Variants in WDR47 observed in about 807,000 individuals in gnomAD.
WDR47 encodes WD repeat domain 47.
Under a neutral mutation model 97.2 loss-of-function variants are expected in WDR47, and 32 were observed. The ratio of observed to expected loss-of-function variants is 0.33; its 90% CI spans 0.25 to 0.44. The LOEUF (loss-of-function observed/expected upper bound fraction) is 0.44. Ranked by LOEUF, WDR47 falls within the 20% of genes least tolerant of loss-of-function variation. The pLI, the probability that WDR47 is intolerant of heterozygous loss-of-function variation, is 1.00. For synonymous variants in WDR47, 375 were observed against 373.5 expected (o/e 1.00, Z -0.05); for missense variants, 782 against 1,102.3 (o/e 0.71, Z 4.11).
intron 6 of WDR47, among the ~76,000 whole-genome samples, chr1:109,004,264 CAA>C (rs748279464): frequency 2.7e-5 from 3 of 111,044 alleles, no homozygotes; most frequent in Admixed American, 1.9e-4. Flanking sequence ...GACTCCGTCT[CAA>C]AAAAAAAAAA....
At chr1:109,030,235 T>G in intron 1 of WDR47, 2 of 1,557,218 alleles carry the variant, frequency 1.3e-6, no homozygotes, top group Middle Eastern at 2.3e-4. Flanking sequence ...TTTTGTGTGT[T>G]GGCTGCTCCA....
rs1322444411 is a variant in WDR47, at chr1:108,992,155, G to A, written c.1692-826C>T. Reference sequence around the variant, plus strand: ...ATAAGAGGAAATAACAGATTAATAAGGAAACAAGAGCAAGATCTATTTTTT... The same window carrying A: ...ATAAGAGGAAATAACAGATTAATAAAGAAACAAGAGCAAGATCTATTTTTT... On this transcript the variant is annotated intron_variant, in intron 8 of 14. Coordinates refer to ENST00000369962, the MANE Select transcript of WDR47 (RefSeq NM_001142551.2). 1.7e-5 allele frequency: 11 copies of A among 632,024 alleles called. No homozygotes were observed. In the Admixed American group the frequency reaches 2.5e-4, roughly 15 times the overall value. The allele number at this position is 632,024 out of a possible 1,614,324, so 39.2% of individuals were successfully genotyped here. A position where few individuals can be genotyped will look rare whatever the true frequency, so the allele number is the denominator to read the frequency against.
intron 9 of WDR47, among the ~76,000 whole-genome samples, chr1:108,990,491 G>A (rs1263358222): frequency 6.6e-6 from 1 of 152,136 alleles, no homozygotes; most frequent in Non-Finnish European, 1.5e-5. Context: ...TTACAGGTGT[G>A]AGCCACCATG....
intron 13 of WDR47, among the ~76,000 whole-genome samples, chr1:108,977,234 C>T (rs1657977586): frequency 6.6e-6 from 1 of 152,170 alleles, no homozygotes; most frequent in Non-Finnish European, 1.5e-5. Flanking sequence ...TCACTACAAC[C>T]TCCGCCTCCC....
intron 4 of WDR47, among the ~76,000 whole-genome samples, chr1:109,013,093 C>A (rs1263705250): frequency 6.6e-6 from 1 of 152,088 alleles, no homozygotes. Context: ...ATATAAGAGA[C>A]CCCAGAGAGC....
At chr1:109,034,495 A>T (rs1353065796) in intron 1 of WDR47, among the ~76,000 whole-genome samples, 2 of 152,208 alleles carry the variant, frequency 1.3e-5, no homozygotes, top group African/African-American at 4.8e-5. Context: ...AACCCCCAGG[A>T]CACAGACCAA....
intron 7 of WDR47, among the ~76,000 whole-genome samples, chr1:109,001,604 A>AT (rs1660195111): frequency 6.6e-6 from 1 of 152,142 alleles, no homozygotes; most frequent in South Asian, 2.1e-4. Context: ...TAAGAAGTAG[A>AT]TAAGGGCCAG....
intron 9 of WDR47, among the ~76,000 whole-genome samples, chr1:108,989,147 C>T (rs1659110870): frequency 6.6e-6 from 1 of 152,180 alleles, no homozygotes; most frequent in Non-Finnish European, 1.5e-5. Context: ...CTTTGGTGAA[C>T]CTACTACTGA....
chr1:109,039,186 G>A (rs912234146), intron 1 of WDR47, among the ~76,000 whole-genome samples: 9 of 152,028 alleles, frequency 5.9e-5, no homozygotes, highest in African/African-American at 1.7e-4. Flanking sequence ...TACAATGATC[G>A]AGCTATTACA....
chr1:108,983,611 A>C (rs1048975677), intron 10 of WDR47, among the ~76,000 whole-genome samples, 160 bp from the exon 11 acceptor site: 1 of 152,228 alleles, frequency 6.6e-6, no homozygotes, highest in African/African-American at 2.4e-5. Context: ...AATTAGCAGC[A>C]TACTTAAAAC....
intron 1 of WDR47, among the ~76,000 whole-genome samples, chr1:109,026,942 ATTAAC>A (rs1371947198): frequency 6.6e-6 from 1 of 152,292 alleles, no homozygotes; most frequent in East Asian, 1.9e-4. Context: ...ATATGTCCTA[ATTAAC>A]TTAAAATTGG....
At chr1:108,982,194 G>T (rs920711000) in intron 12 of WDR47, among the ~76,000 whole-genome samples, 2 of 152,002 alleles carry the variant, frequency 1.3e-5, no homozygotes, top group Non-Finnish European at 1.5e-5. Context: ...CAAATAGATT[G>T]ACAATTTTAA....
intron 1 of WDR47, among the ~76,000 whole-genome samples, chr1:109,024,115 C>G (rs1662038945): frequency 6.6e-6 from 1 of 152,178 alleles, no homozygotes; most frequent in Non-Finnish European, 1.5e-5. Flanking sequence ...AAATGATGAC[C>G]TGGTCAGTAC....
Position 109,023,530 on chromosome 1 carries a change from G to C in WDR47, c.-9-9C>G, listed in dbSNP as rs1557957591. 1 of 1,605,602 alleles carries C rather than the reference G, an allele frequency of 6.2e-7. No homozygotes were observed. The highest frequency in any genetic ancestry group is 1.7e-4 in the Middle Eastern group (1 of 6,010). ...GCCGTCATATTGATAGCCTAAATAT[G>C]AAACAGAAAAACAATAAAGCTAGTC... On this transcript the variant is annotated splice_polypyrimidine_tract_variant and intron_variant, in intron 1 of 14. Transcript: ENST00000369962.
At chr1:108,989,145 A>G (rs548239407) in intron 9 of WDR47, among the ~76,000 whole-genome samples, 82 of 152,294 alleles carry the variant, frequency 5.4e-4, no homozygotes, top group African/African-American at 1.9e-3. Flanking sequence ...AGCTTTGGTG[A>G]ACCTACTACT....
In WDR47 at chr1:109,010,998, A is replaced by G; in HGVS notation, c.1048T>C (p.Tyr350His). 1 of 1,614,122 alleles carries G rather than the reference A, an allele frequency of 6.2e-7. No individual in the cohort carries two copies. Among genetic ancestry groups the G allele is most frequent in the Non-Finnish European group, 8.5e-7 (1 of 1,180,028 alleles). Reference protein sequence around the residue: ...PMSHSFANFHYPGVQNLSRSL... With the variant: ...PMSHSFANFHHPGVQNLSRSL... The stretch of plus-strand genomic sequence containing the variant: ...CTACTGAGGTTTTGTACCCCTGGAT[A>G]ATGGAAGTTAGCAAAGGAGTGTGAC... The change falls in exon 5 of 15, where the codon TAT becomes CAT. Residue 350 changes from tyrosine (Y) to histidine (H), a missense_variant. Tyr to His is a moderately conservative substitution (Grantham distance 83). Around this residue, in one of 3 missense-constraint regions of WDR47, gnomAD observed 428 missense variants for 584.3 expected, o/e 0.73. Coordinates refer to ENST00000369962, the MANE Select transcript of WDR47 (RefSeq NM_001142551.2).
chr1:109,002,542 T>C (rs1188541897), intron 6 of WDR47, 140 bp from the exon 7 acceptor site: 5 of 728,066 alleles, frequency 6.9e-6, no homozygotes, highest in Non-Finnish European at 8.2e-6. Flanking sequence ...TATTGCTCTT[T>C]GAAAAACAGT....
At chr1:108,995,428 A>T in intron 8 of WDR47, 152 bp downstream of exon 8, 3 of 828,138 alleles carry the variant, frequency 3.6e-6, no homozygotes, top group Non-Finnish European at 3.7e-6. Context: ...TTGGTAGAAG[A>T]GAATATAGAC....
chr1:109,036,481 G>C (rs894097683), intron 1 of WDR47, among the ~76,000 whole-genome samples: 1 of 142,458 alleles, frequency 7.0e-6, no homozygotes, highest in Non-Finnish European at 1.5e-5. Context: ...GTTGCAGTGA[G>C]CCGAGATGGC....
Sources: allele counts gnomAD v4.1 joint callset (sites outside exome capture counted in the v4.1 genomes callset), GRCh38; gene constraint gnomAD v4.1.1; regional missense constraint gnomAD v4.1.1; transcripts MANE v1.5; gene names NCBI Gene and HGNC (gene_info 2026-07-23, HGNC 2026-07-21).